The following PPFIBP1 variants were observed in gnomAD, a reference collection of about 807,000 sequenced individuals.
PPFIBP1 encodes the protein PPFIB scaffold protein 1.
In PPFIBP1, 112 loss-of-function variants were observed where a neutral mutation model predicts 137.8. That is an observed-to-expected ratio of 0.81 (90% CI 0.70 to 0.95). The LOEUF (loss-of-function observed/expected upper bound fraction) is 0.95, where lower values mean the gene tolerates loss of function less well. PPFIBP1 is among the 40% of genes least tolerant of loss of function. The pLI is 0.00. For synonymous variants in PPFIBP1, 378 were observed against 417.3 expected, an observed-to-expected ratio of 0.91 and a Z score of 1.15; for missense variants, 1,083 against 1,196.6, an observed-to-expected ratio of 0.91 and a Z score of 1.40.
intron 1 of PPFIBP1, among the ~76,000 whole-genome samples, chr12:27,577,742 G>A (rs949109575): frequency 6.6e-6 from 1 of 152,004 alleles, no homozygotes; most frequent in Non-Finnish European, 1.5e-5. Context: ...ATAAATTGTG[G>A]ACATTTCCCA....
intron 1 of PPFIBP1, among the ~76,000 whole-genome samples, chr12:27,574,487 T>C (rs1165441770): frequency 1.3e-5 from 2 of 152,164 alleles, no homozygotes; most frequent in East Asian, 1.9e-4. Context: ...TTACTTATGC[T>C]AAAAAATAAA....
intron 2 of PPFIBP1, chr12:27,592,643 A>G: frequency 6.3e-7 from 1 of 1,594,968 alleles, no homozygotes; most frequent in Non-Finnish European, 8.6e-7. Flanking sequence ...TTCAGGCAGC[A>G]CTGGGCCTGT....
intron 2 of PPFIBP1, among the ~76,000 whole-genome samples, chr12:27,617,580 A>T (rs1194630650): frequency 2.0e-5 from 3 of 152,222 alleles, no homozygotes; most frequent in South Asian, 2.1e-4. Context: ...ATATGAAATG[A>T]TGTAGTATTT....
At chr12:27,592,352 A>G (rs1356973846) in intron 2 of PPFIBP1, 2 of 562,108 alleles carry the variant, frequency 3.6e-6, no homozygotes, top group African/African-American at 1.9e-5. Flanking sequence ...ATGGGTAACA[A>G]GAACGTTTAT....
At chr12:27,660,050 G>A (rs778243002) in intron 10 of PPFIBP1, among the ~76,000 whole-genome samples, 8 of 151,356 alleles carry the variant, frequency 5.3e-5, no homozygotes, top group Non-Finnish European at 4.4e-5. Flanking sequence ...TCATTTTGGA[G>A]TGACTTTTCA....
At chr12:27,544,792 T>C (rs1036937485) in intron 1 of PPFIBP1, among the ~76,000 whole-genome samples, 4 of 152,202 alleles carry the variant, frequency 2.6e-5, no homozygotes, top group African/African-American at 2.4e-5. Context: ...GGTGGGAGTG[T>C]AAATTAGTTC....
intron 2 of PPFIBP1, among the ~76,000 whole-genome samples, chr12:27,595,896 T>A (rs1358288677): frequency 0.02 from 1,632 of 83,646 alleles, 10 homozygotes; most frequent in Middle Eastern, 0.037. Context: ...AATATATATA[T>A]ATATATATAT....
intron 1 of PPFIBP1, among the ~76,000 whole-genome samples, chr12:27,544,589 A>G (rs183950510): frequency 3.0e-4 from 45 of 152,372 alleles, no homozygotes; most frequent in Admixed American, 2.6e-3. Context: ...AAGGATGTGA[A>G]CAGACACTAA....
At chr12:27,546,259 G>A (rs1024189087) in intron 1 of PPFIBP1, among the ~76,000 whole-genome samples, 5 of 152,166 alleles carry the variant, frequency 3.3e-5, no homozygotes, top group Admixed American at 2.0e-4. Context: ...GATTAGCTGT[G>A]TGATATTGGG....
intron 17 of PPFIBP1, among the ~76,000 whole-genome samples, 196 bp downstream of exon 17, chr12:27,674,417 T>C (rs1223480367): frequency 3.4e-5 from 4 of 116,678 alleles, no homozygotes; most frequent in African/African-American, 8.9e-5. Context: ...AGAAATAGAA[T>C]GCAGATCGGT....
At chr12:27,533,910 C>T (rs1021964394) in intron 1 of PPFIBP1, among the ~76,000 whole-genome samples, 3 of 152,160 alleles carry the variant, frequency 2.0e-5, no homozygotes, top group African/African-American at 7.2e-5. Context: ...ACTAATCATG[C>T]CATCCAGTGC....
intron 24 of PPFIBP1, among the ~76,000 whole-genome samples, chr12:27,684,786 TTTTTA>T (rs1359909474): frequency 2.6e-5 from 4 of 152,140 alleles, no homozygotes; most frequent in Admixed American, 6.5e-5. Flanking sequence ...TTTTTAAAAC[TTTTTA>T]TTTTAAGATA....
intron 2 of PPFIBP1, among the ~76,000 whole-genome samples, chr12:27,588,208 C>G (rs2052023330): frequency 6.6e-6 from 1 of 152,190 alleles, no homozygotes; most frequent in Non-Finnish European, 1.5e-5. Context: ...TGGTGTTGAC[C>G]AGACCTTTCC....
intron 1 of PPFIBP1, 114 bp downstream of exon 1, chr12:27,524,479 C>G (rs1943478071): frequency 6.6e-6 from 1 of 151,424 alleles, no homozygotes; most frequent in South Asian, 2.1e-4. Flanking sequence ...TTGTGCAACT[C>G]ACTCCTGTTT....
At chr12:27,628,857 C>T (rs2057053802) in intron 2 of PPFIBP1, among the ~76,000 whole-genome samples, 1 of 152,166 alleles carries the variant, frequency 6.6e-6, no homozygotes, top group Non-Finnish European at 1.5e-5. Flanking sequence ...ATAAATCATG[C>T]ATTATCAAAC....
At position 27,677,252 on chromosome 12, in the gene PPFIBP1, G is replaced by A. The variant is rs116686991; in HGVS notation, c.1615+156G>A. ...TGTTCTTTCCACCTTCTGCTAAAAA[G>A]GACTCTGTAGAGGCTTTGCTTCCAA... On this transcript the variant is annotated intron_variant, in intron 19 of 29. Coordinates refer to ENST00000228425, the MANE Select transcript of PPFIBP1 (RefSeq NM_003622.4). 4.2e-3 allele frequency: 3,667 copies of A among 864,220 alleles called. 85 individuals are homozygous for A. In the African/African-American group the frequency reaches 0.05, roughly 12 times the overall value. The allele number at this position is 864,220 out of a possible 1,614,324, so 53.5% of individuals were successfully genotyped here. A position where few individuals can be genotyped will look rare whatever the true frequency, so the allele number is the denominator to read the frequency against.
chr12:27,615,179 T>G (rs536571195), intron 2 of PPFIBP1, among the ~76,000 whole-genome samples: 1 of 152,352 alleles, frequency 6.6e-6, no homozygotes, highest in East Asian at 1.9e-4. Context: ...CTTAAGATCC[T>G]ATTATCCAGC....
chr12:27,621,621 G>A (rs1406295695), intron 2 of PPFIBP1, among the ~76,000 whole-genome samples: 1 of 152,170 alleles, frequency 6.6e-6, no homozygotes, highest in Non-Finnish European at 1.5e-5. Context: ...TGCTATAAAG[G>A]AACAAGCAGT....
At chr12:27,528,319 T>C (rs1264588907) in intron 1 of PPFIBP1, among the ~76,000 whole-genome samples, 7 of 152,186 alleles carry the variant, frequency 4.6e-5, no homozygotes, top group African/African-American at 7.2e-5. Context: ...CAACCAAAGG[T>C]GGATAACTTC....
Sources: gnomAD v4.1 joint callset for allele counts (sites outside exome capture counted in the v4.1 genomes callset) on GRCh38, gnomAD v4.1.1 for gene constraint, MANE v1.5 for transcripts, NCBI Gene and HGNC (gene_info 2026-07-23, HGNC 2026-07-21) for gene names.